Variants in LIMD1 observed in about 807,000 individuals in gnomAD.
The protein encoded by LIMD1 is LIM domain-containing protein 1.
A neutral mutation model predicts 58.4 loss-of-function variants in LIMD1; 23 were observed. That is an observed-to-expected ratio of 0.39 (90% CI 0.28 to 0.56). The LOEUF is 0.56. Ranked by LOEUF, LIMD1 falls within the 20% of genes least tolerant of loss-of-function variation. The pLI, the probability that LIMD1 is intolerant of heterozygous loss-of-function variation, is 0.57. For missense variants in LIMD1, 838 were observed against 855.5 expected (o/e 0.98, Z 0.25); for synonymous variants, 334 against 345.5 (o/e 0.97, Z 0.37).
At chr3:45,627,406 A>C (rs1363539045) in intron 1 of LIMD1, among the ~76,000 whole-genome samples, 1 of 152,206 alleles carries the variant, frequency 6.6e-6, no homozygotes, top group Non-Finnish European at 1.5e-5. Flanking sequence ...TTCTTCATGT[A>C]TAAAGTGATG....
At chr3:45,608,950 A>T (rs1375023675) in intron 1 of LIMD1, among the ~76,000 whole-genome samples, 1 of 152,144 alleles carries the variant, frequency 6.6e-6, no homozygotes, top group Non-Finnish European at 1.5e-5. Context: ...GTTACTCATG[A>T]GATATTTGTT....
At chr3:45,649,874 C>T (rs1213264330) in intron 2 of LIMD1, among the ~76,000 whole-genome samples, 13 of 123,124 alleles carry the variant, frequency 1.1e-4, no homozygotes, top group South Asian at 2.4e-4. Context: ...CTATTTTCTC[C>T]CTTTTTTTTT....
chr3:45,676,348 A>T (rs920119617), intron 7 of LIMD1, among the ~76,000 whole-genome samples: 3 of 151,450 alleles, frequency 2.0e-5, no homozygotes, highest in Admixed American at 1.3e-4. Context: ...TTTCTTCTAA[A>T]AAAAAAAAAG....
intron 1 of LIMD1, among the ~76,000 whole-genome samples, chr3:45,626,494 A>G (rs1172629538): frequency 6.6e-6 from 1 of 152,238 alleles, no homozygotes; most frequent in Non-Finnish European, 1.5e-5. Context: ...AAGGCTGCAG[A>G]GTGTATGATT....
At chr3:45,606,200 G>GCTTCACAGATGGAGAAACTGAT (rs1701466424) in intron 1 of LIMD1, among the ~76,000 whole-genome samples, 1 of 152,220 alleles carries the variant, frequency 6.6e-6, no homozygotes, top group Non-Finnish European at 1.5e-5. Context: ...GAGAAACTGA[G>GCTTCACAGATGGAGAAACTGAT]CTACACAGAA....
chr3:45,674,934 T>C (rs1209588746), intron 7 of LIMD1, among the ~76,000 whole-genome samples: 3 of 152,204 alleles, frequency 2.0e-5, no homozygotes, highest in Non-Finnish European at 2.9e-5. Flanking sequence ...GGAGCACTAG[T>C]ACCTGATGAC....
intron 4 of LIMD1, among the ~76,000 whole-genome samples, chr3:45,672,121 G>A (rs181122714): frequency 1.1e-4 from 17 of 152,318 alleles, no homozygotes; most frequent in Admixed American, 1.3e-4. Context: ...GAGGTCATTG[G>A]GTTGAGTCAG....
intron 1 of LIMD1, among the ~76,000 whole-genome samples, chr3:45,609,805 A>C (rs1037035010): frequency 6.6e-6 from 1 of 152,018 alleles, no homozygotes; most frequent in Non-Finnish European, 1.5e-5. Flanking sequence ...GCTGTATCTG[A>C]GCTCCTTGGT....
chr3:45,656,517 TTTTC>T (rs1395654142), intron 2 of LIMD1, among the ~76,000 whole-genome samples: 10 of 151,904 alleles, frequency 6.6e-5, no homozygotes, highest in Non-Finnish European at 8.8e-5. Context: ...TCCTTTTTCT[TTTTC>T]TTTCTTTTTT....
intron 2 of LIMD1, among the ~76,000 whole-genome samples, chr3:45,648,553 A>G (rs1185427601): frequency 5.3e-5 from 8 of 152,224 alleles, no homozygotes. Flanking sequence ...ATTCCTAGGC[A>G]GGTGTTTATG....
intron 1 of LIMD1, among the ~76,000 whole-genome samples, chr3:45,606,028 G>A (rs1372520358): frequency 6.6e-6 from 1 of 152,152 alleles, no homozygotes; most frequent in Non-Finnish European, 1.5e-5. Flanking sequence ...GTGGAATAAG[G>A]GATTTTTAGC....
At chr3:45,664,382 A>G (rs1309422991) in intron 2 of LIMD1, among the ~76,000 whole-genome samples, 3 of 152,122 alleles carry the variant, frequency 2.0e-5, no homozygotes, top group Non-Finnish European at 4.4e-5. Context: ...CTTTAACTCA[A>G]CATGTACTGC....
chr3:45,674,282 C>A, intron 6 of LIMD1, 61 bp from the exon 7 acceptor site: 3 of 1,384,580 alleles, frequency 2.2e-6, no homozygotes, highest in Non-Finnish European at 3.1e-6. Context: ...CACGGTACAT[C>A]AAGCCCGACA....
chr3:45,659,659 A>G (rs1015451253), intron 2 of LIMD1, among the ~76,000 whole-genome samples: 1 of 152,214 alleles, frequency 6.6e-6, no homozygotes, highest in African/African-American at 2.4e-5. Flanking sequence ...TATGACTAAA[A>G]CACTATTTAA....
intron 1 of LIMD1, among the ~76,000 whole-genome samples, chr3:45,629,426 A>AAAAAG (rs1553644096): frequency 4.9e-4 from 73 of 148,332 alleles, no homozygotes; most frequent in Middle Eastern, 3.5e-3. Flanking sequence ...AAAAAAAAAA[A>AAAAAG]AAAAGAAAAG....
intron 2 of LIMD1, among the ~76,000 whole-genome samples, chr3:45,644,460 A>G (rs1701880433): frequency 6.6e-6 from 1 of 152,166 alleles, no homozygotes; most frequent in Admixed American, 6.5e-5. Flanking sequence ...ATATTTATAG[A>G]TAATTTTGGG....
intron 2 of LIMD1, among the ~76,000 whole-genome samples, chr3:45,658,533 T>TGC (rs1399824768): frequency 3.4e-5 from 4 of 116,076 alleles, no homozygotes; most frequent in Non-Finnish European, 5.2e-5. Context: ...ACCATGCAGA[T>TGC]TCTTTTTTTT....
intron 1 of LIMD1, among the ~76,000 whole-genome samples, chr3:45,624,753 C>T (rs187969645): frequency 1.9e-4 from 29 of 152,122 alleles, no homozygotes; most frequent in African/African-American, 6.7e-4. Context: ...AAAAACTTTC[C>T]ATCACAACAG....
chr3:45,648,013 T>C (rs962038956), intron 2 of LIMD1, among the ~76,000 whole-genome samples: 2 of 152,130 alleles, frequency 1.3e-5, no homozygotes, highest in African/African-American at 4.8e-5. Context: ...ATGTGCACCC[T>C]TCATTTGCCT....
Sources: allele counts gnomAD v4.1 joint callset (sites outside exome capture counted in the v4.1 genomes callset), GRCh38; gene constraint gnomAD v4.1.1; transcripts MANE v1.5; gene names NCBI Gene and HGNC (gene_info 2026-07-23, HGNC 2026-07-21).